Variants in ESPN observed in about 807,000 individuals in gnomAD.
ESPN encodes the protein autosomal recessive deafness type 36 protein.
A neutral mutation model predicts 77.7 loss-of-function variants in ESPN; 68 were observed. The ratio of observed to expected loss-of-function variants is 0.87; its 90% confidence interval spans 0.72 to 1.07. The LOEUF (loss-of-function observed/expected upper bound fraction) is 1.07. Among genes scored for constraint, ESPN ranks in the 50% least tolerant of loss-of-function variants. The probability of loss-of-function intolerance (pLI) is 0.00; values close to 1 mark genes in which losing one functional copy is unlikely to be tolerated. For missense variants in ESPN, 1,060 were observed against 1,239.0 expected, an observed-to-expected ratio of 0.86 and a Z score of 2.17; for synonymous variants, 449 against 567.1, an observed-to-expected ratio of 0.79 and a Z score of 2.96.
At chr1:6,452,961 C>T (rs1214997741) in intron 10 of ESPN, among the ~76,000 whole-genome samples, 4 of 151,806 alleles carry the variant, frequency 2.6e-5, no homozygotes, top group East Asian at 1.9e-4. Flanking sequence ...GGTGCGATCT[C>T]GACTCACTGC....
In ESPN at chr1:6,460,249, C is replaced by A; in HGVS notation, c.*103C>A. 1 of 1,443,410 alleles carries A rather than the reference C, an allele frequency of 6.9e-7. No individual in the cohort carries two copies. The highest frequency in any genetic ancestry group is 1.4e-5 in the African/African-American group (1 of 70,924). 89.4% of individuals were successfully genotyped at this position (1,443,410 alleles called of 1,614,324 possible). Reference sequence around the variant, plus strand: ...GAAAGGCTGGGAGCCGCACAGCCCTCCCCTCCTGCGCTGGAAACCCTCCCT... The same window carrying A: ...GAAAGGCTGGGAGCCGCACAGCCCTACCCTCCTGCGCTGGAAACCCTCCCT... On this transcript the variant is annotated 3_prime_UTR_variant, in exon 13 of 13. Transcript: ENST00000645284.
intron 7 of ESPN, among the ~76,000 whole-genome samples, 199 bp downstream of exon 7, chr1:6,446,134 G>A (rs1482252486): frequency 1.3e-5 from 2 of 152,184 alleles, no homozygotes; most frequent in African/African-American, 4.8e-5. Flanking sequence ...GTAAGAGCAG[G>A]TCATTGCCCT....
chr1:6,442,979 C>G (rs947107193), intron 5 of ESPN: 1 of 151,618 alleles, frequency 6.6e-6, no homozygotes, highest in Non-Finnish European at 1.5e-5. Context: ...CGAGACCAGC[C>G]TGGTCAACAT....
At chr1:6,442,172 C>T (rs1194870315) in intron 5 of ESPN, among the ~76,000 whole-genome samples, 1 of 152,198 alleles carries the variant, frequency 6.6e-6, no homozygotes, top group African/African-American at 2.4e-5. Flanking sequence ...GATGCAGCTG[C>T]TAGCGGTCAT....
rs972727428 is a variant in ESPN, at chr1:6,448,985, G to A, written c.1809G>A (p.Pro603=). 3.5e-6 allele frequency: 5 copies of A among 1,438,630 alleles called. No homozygotes were observed. The highest frequency in any genetic ancestry group is 4.5e-6 in the Non-Finnish European group (5 of 1,102,064). The allele number at this position is 1,438,630 out of a possible 1,614,324, so 89.1% of individuals were successfully genotyped here. ...RELPPPPPPP[P]PPLPEAASSP... is the part of the protein sequence containing the mutation. Reference sequence around the variant, plus strand: ...TGCCACCGCCGCCCCCACCGCCGCCGCCGCCCCTGCCGGAGGCCGCGAGTT... The same window carrying A: ...TGCCACCGCCGCCCCCACCGCCGCCACCGCCCCTGCCGGAGGCCGCGAGTT... Residue 603 remains proline, a synonymous_variant, in exon 8 of 13, where the codon CCG becomes CCA. Coordinates refer to ENST00000645284, the MANE Select transcript of ESPN (RefSeq NM_031475.3).
In ESPN at chr1:6,427,654, G is replaced by GT. The variant is rs760882990; in HGVS notation, c.295-568dup. 2.6e-5 allele frequency among the ~76,000 whole-genome samples: 4 copies of GT among 152,228 alleles called. No individual in the cohort carries two copies. Among genetic ancestry groups the GT allele is most frequent in the Non-Finnish European group, 5.9e-5 (4 of 68,036 alleles). On this transcript the variant is annotated intron_variant, in intron 1 of 12. Coordinates refer to ENST00000645284, the MANE Select transcript of ESPN (RefSeq NM_031475.3). This position sits in a 1 kb window ranked among gnomAD's most constrained non-coding sequence, Gnocchi z 4.6. ...GGCGAGTCTGCTGGGGGAGGGGCCG[G>GT]TTTTCTGCACTGAGGTTGGGTTCCT...
intron 10 of ESPN, 48 bp from the exon 11 acceptor site, chr1:6,457,136 C>A: frequency 6.5e-7 from 1 of 1,547,064 alleles, no homozygotes; most frequent in East Asian, 2.4e-5. Context: ...AGGGTGCCCC[C>A]TATCTCCCAG....
chr1:6,441,369 G>A (rs1449347257), intron 5 of ESPN, among the ~76,000 whole-genome samples: 1 of 152,170 alleles, frequency 6.6e-6, no homozygotes, highest in Non-Finnish European at 1.5e-5. Flanking sequence ...CATTAGCTTG[G>A]GTATAACTCA....
intron 10 of ESPN, chr1:6,454,616 A>G (rs1644015841): frequency 1.0e-5 from 4 of 398,818 alleles, no homozygotes; most frequent in African/African-American, 2.1e-5. Context: ...GCCTCGAGCA[A>G]CTGGAGCTGG....
chr1:6,442,886 AAAGGTTGAG>A (rs1274080443), intron 5 of ESPN: 4 of 148,290 alleles, frequency 2.7e-5, no homozygotes, highest in Non-Finnish European at 5.9e-5. Flanking sequence ...AAAAAAAAAA[AAAGGTTGAG>A]AGGCCATGTG....
At chr1:6,436,457 C>T (rs1438072298) in intron 2 of ESPN, among the ~76,000 whole-genome samples, 1 of 149,654 alleles carries the variant, frequency 6.7e-6, no homozygotes, top group South Asian at 2.1e-4. Flanking sequence ...TTATTAATTC[C>T]TCTCTCCAGT....
intron 12 of ESPN, among the ~76,000 whole-genome samples, chr1:6,459,407 A>G (rs1644114970): frequency 6.6e-6 from 1 of 151,872 alleles, no homozygotes; most frequent in Non-Finnish European, 1.5e-5. Flanking sequence ...CCCTGACTCA[A>G]ATAATAATAA....
intron 7 of ESPN, 139 bp from the exon 8 acceptor site, chr1:6,448,502 G>A: frequency 1.5e-6 from 1 of 663,580 alleles, no homozygotes; most frequent in South Asian, 2.0e-5. Context: ...TGAGAACCAG[G>A]GGGTCTAGGA....
intron 12 of ESPN, among the ~76,000 whole-genome samples, chr1:6,457,819 T>C (rs1476931685): frequency 1.3e-5 from 2 of 152,158 alleles, no homozygotes; most frequent in Non-Finnish European, 2.9e-5. Context: ...AAAAATATTA[T>C]TTCAACACAT....
intron 10 of ESPN, among the ~76,000 whole-genome samples, chr1:6,453,282 G>T (rs1643986359): frequency 6.6e-6 from 1 of 152,232 alleles, no homozygotes; most frequent in African/African-American, 2.4e-5. Context: ...GGTGGCTGCG[G>T]ACATGTGTGC....
Position 6,449,027 on chromosome 1 carries a change from G to T in ESPN, c.1851G>T (p.Pro617=). ...PEAASSPPPA[P]PLPLESAGPG... is the part of the protein sequence containing the mutation. ...CCGCGAGTTCGCCACCGCCGGCCCC[G>T]CCTCTGCCCCTCGAGAGCGCTGGCC... The change falls in exon 8 of 13, where the codon CCG becomes CCT. Residue 617 remains proline, a synonymous_variant. Transcript: ENST00000645284. 1 of 1,466,748 alleles carries T rather than the reference G, an allele frequency of 6.8e-7. No individual in the cohort carries two copies. Among genetic ancestry groups the T allele is most frequent in the South Asian group, 1.3e-5 (1 of 76,252 alleles). 90.9% of individuals were successfully genotyped at this position (1,466,748 alleles called of 1,614,324 possible). A position where few individuals can be genotyped will look rare whatever the true frequency, so the allele number is the denominator to read the frequency against.
At chr1:6,441,504 G>C (rs1428390612) in intron 5 of ESPN, among the ~76,000 whole-genome samples, 1 of 152,048 alleles carries the variant, frequency 6.6e-6, no homozygotes, top group Non-Finnish European at 1.5e-5. Context: ...TTGATGGCCT[G>C]GCCAGGAGGC....
At chr1:6,445,563 T>C (rs1643797479) in intron 6 of ESPN, 101 bp from the exon 7 acceptor site, 5 of 1,374,044 alleles carry the variant, frequency 3.6e-6, no homozygotes, top group African/African-American at 1.4e-5. Context: ...GGAGCCCACC[T>C]TGCCCCTCGG....
In ESPN at chr1:6,428,219, C is replaced by T. The variant is rs773471298; in HGVS notation, c.295-7C>T. 152 of 1,613,444 alleles carry T rather than the reference C, an allele frequency of 9.4e-5. 1 individual carries two copies. Among genetic ancestry groups the T allele is most frequent in the Non-Finnish European group, 1.2e-4 (147 of 1,180,002 alleles). Reference sequence around the variant, plus strand: ...CTTTAGGACTTGAACCAGCTCTCCTCCCACAGGACAAAGACAATTCTGGTG... The same window carrying T: ...CTTTAGGACTTGAACCAGCTCTCCTTCCACAGGACAAAGACAATTCTGGTG... On this transcript the variant is annotated splice_region_variant and splice_polypyrimidine_tract_variant and intron_variant, in intron 1 of 12. Transcript: ENST00000645284. The surrounding 1 kb of genome is among the most constrained non-coding windows in gnomAD (Gnocchi z 5.4).
Sources: allele counts gnomAD v4.1 joint callset (sites outside exome capture counted in the v4.1 genomes callset), GRCh38; gene constraint gnomAD v4.1.1; non-coding constraint Gnocchi (gnomAD v3.1); transcripts MANE v1.5; gene names NCBI Gene and HGNC (gene_info 2026-07-23, HGNC 2026-07-21).